MRTFB: variants seen among roughly 807,000 people sequenced by gnomAD.
MRTFB encodes the protein myocardin related transcription factor B, also known as myocardin-related transcription factor B.
A neutral mutation model predicts 104.2 loss-of-function variants in MRTFB; 29 were observed. The ratio of observed to expected loss-of-function variants is 0.28; its 90% CI spans 0.21 to 0.38. The LOEUF is 0.38. Ranked by LOEUF, MRTFB falls within the 10% of genes least tolerant of loss-of-function variation. The pLI is 1.00. For synonymous variants in MRTFB, 535 were observed against 519.5 expected (o/e 1.03, Z -0.41); for missense variants, 1,270 against 1,341.6 (o/e 0.95, Z 0.83).
chr16:14,025,227 C>A, the MRTFB span, among the ~76,000 whole-genome samples: 1 of 152,212 alleles, frequency 6.6e-6, no homozygotes, highest in Non-Finnish European at 1.5e-5. Flanking sequence ...GCCTCCCAGG[C>A]TGAAGTGCCG....
the MRTFB span, among the ~76,000 whole-genome samples, chr16:14,046,786 C>G: frequency 6.6e-6 from 1 of 152,186 alleles, no homozygotes. Context: ...CAGAAGCACA[C>G]AGAGAAGGAA....
intron 3 of MRTFB, among the ~76,000 whole-genome samples, chr16:14,158,559 G>GA (rs936482109): frequency 9.9e-5 from 15 of 152,174 alleles, no homozygotes; most frequent in Admixed American, 4.6e-4. Flanking sequence ...TATTACAATA[G>GA]AAAAAATATA....
intron 2 of MRTFB, among the ~76,000 whole-genome samples, chr16:14,121,448 A>G (rs373807436): frequency 6.6e-6 from 1 of 152,108 alleles, no homozygotes; most frequent in African/African-American, 2.4e-5. Flanking sequence ...GATGCTCCAA[A>G]TGTTTGTTGT....
intron 3 of MRTFB, among the ~76,000 whole-genome samples, chr16:14,167,644 A>G (rs561367510): frequency 3.3e-5 from 5 of 152,240 alleles, no homozygotes; most frequent in Non-Finnish European, 7.4e-5. Flanking sequence ...GGGGTTTTAC[A>G]TATAAGTCTT....
intron 10 of MRTFB, among the ~76,000 whole-genome samples, chr16:14,242,985 T>TA (rs1209209212): frequency 6.6e-6 from 1 of 152,068 alleles, no homozygotes. Flanking sequence ...AGCACAGACT[T>TA]ACCTGCGGTC....
intron 3 of MRTFB, among the ~76,000 whole-genome samples, chr16:14,205,049 A>C (rs1417466485): frequency 2.0e-5 from 3 of 152,216 alleles, no homozygotes; most frequent in African/African-American, 7.2e-5. Context: ...AATAATAAGA[A>C]TATTTATCAT....
the MRTFB span, among the ~76,000 whole-genome samples, chr16:14,007,371 T>A: frequency 4.6e-5 from 7 of 152,206 alleles, no homozygotes; most frequent in South Asian, 4.1e-4. Context: ...TCACTTAACA[T>A]CATGCTTTTA....
Position 14,175,143 on chromosome 16 carries a change from T to TAA in MRTFB, c.154+34391_154+34392dup, listed in dbSNP as rs200123645. On this transcript the variant is annotated intron_variant, in intron 3 of 16. Transcript: ENST00000571589. ...GTTCCCACGAGTAACCTTGTGGGTTTAAAAAAAAACATATTTATTGAACTA... is the reference window on the plus strand; with the variant it reads ...GTTCCCACGAGTAACCTTGTGGGTTTAAAAAAAAAAACATATTTATTGAACTA... Among the ~76,000 whole-genome samples the TAA allele has an allele frequency of 1.7e-4, 26 of 151,462 alleles. No individual in the cohort carries two copies. In the South Asian group the frequency reaches 4.8e-3, roughly 28 times the overall value.
the MRTFB span, among the ~76,000 whole-genome samples, chr16:14,017,694 T>TAC: frequency 3.5e-3 from 100 of 28,606 alleles, 12 homozygotes; most frequent in African/African-American, 7.4e-3. Flanking sequence ...TGTGTATATA[T>TAC]ATATATATAT....
At chr16:14,046,886 T>A in the MRTFB span, among the ~76,000 whole-genome samples, 1 of 152,230 alleles carries the variant, frequency 6.6e-6, no homozygotes, top group Non-Finnish European at 1.5e-5. Context: ...CTGCTCTAAG[T>A]GCTATATATA....
At chr16:14,061,010 G>A in the MRTFB span, among the ~76,000 whole-genome samples, 1 of 152,152 alleles carries the variant, frequency 6.6e-6, no homozygotes, top group South Asian at 2.1e-4. Flanking sequence ...GCCAGGTGTG[G>A]TGGTGGGAGC....
chr16:14,127,930 T>TATATATATATATA (rs1491428460), intron 2 of MRTFB, among the ~76,000 whole-genome samples: 16 of 31,630 alleles, frequency 5.1e-4, no homozygotes, highest in African/African-American at 2.4e-3. Flanking sequence ...TATATATATA[T>TATATATATATATA]TTTTTTTTTT....
rs576968090 is a variant in MRTFB at position 14,140,515 on chromosome 16, A to G, written c.-63-29A>G. The G allele has an allele frequency of 1.0e-5, 15 of 1,481,422 alleles. No individual in the cohort carries two copies. The African/African-American group carries it at 1.8e-4, about 18-fold the overall frequency. The allele number at this position is 1,481,422 out of a possible 1,614,324, so 91.8% of individuals were successfully genotyped here. ...CAAATTGGAGAAACATAACTGCACC[A>G]TCTCTTTACACATTCTTTATTTTGG... On this transcript the variant is annotated intron_variant, in intron 2 of 16. Coordinates refer to ENST00000571589, the MANE Select transcript of MRTFB (RefSeq NM_001308142.2).
At chr16:14,221,440 G>C (rs2041699519) in intron 8 of MRTFB, among the ~76,000 whole-genome samples, 1 of 152,138 alleles carries the variant, frequency 6.6e-6, no homozygotes, top group Non-Finnish European at 1.5e-5. Flanking sequence ...CAGCACAGGG[G>C]TCCAGCACAC....
At chr16:14,113,654 G>A (rs1009109804) in intron 2 of MRTFB, among the ~76,000 whole-genome samples, 2 of 152,118 alleles carry the variant, frequency 1.3e-5, no homozygotes, top group African/African-American at 2.4e-5. Flanking sequence ...CTCCTAGCTC[G>A]ATGGCGGGAG....
At chr16:14,256,809 G>A (rs915818514) in intron 15 of MRTFB, among the ~76,000 whole-genome samples, 5 of 152,204 alleles carry the variant, frequency 3.3e-5, no homozygotes, top group African/African-American at 1.2e-4. Context: ...TATATCAATA[G>A]GTAACTAATG....
intron 3 of MRTFB, among the ~76,000 whole-genome samples, chr16:14,174,425 G>A (rs2039517753): frequency 6.6e-6 from 1 of 152,186 alleles, no homozygotes; most frequent in Non-Finnish European, 1.5e-5. Flanking sequence ...GCTTACGCTT[G>A]TAATCCCAGC....
chr16:14,000,302 G>A, the MRTFB span, among the ~76,000 whole-genome samples: 78 of 152,290 alleles, frequency 5.1e-4, no homozygotes, highest in African/African-American at 1.8e-3. Flanking sequence ...GGAGGAGGAC[G>A]CATAGGTCAT....
At chr16:14,244,378 G>A (rs545037371) in intron 10 of MRTFB, among the ~76,000 whole-genome samples, 1 of 152,184 alleles carries the variant, frequency 6.6e-6, no homozygotes, top group Non-Finnish European at 1.5e-5. Flanking sequence ...ATACATACAT[G>A]TGTCTTTCTG....
Sources: allele counts gnomAD v4.1 joint callset (sites outside exome capture counted in the v4.1 genomes callset), GRCh38; gene constraint gnomAD v4.1.1; transcripts MANE v1.5; gene names NCBI Gene and HGNC (gene_info 2026-07-23, HGNC 2026-07-21).